Variants in PTPRA observed in about 807,000 individuals in gnomAD.
PTPRA encodes the protein receptor-type tyrosine-protein phosphatase alpha.
PTPRA carries 25 observed loss-of-function variants against 104.8 expected under a neutral mutation model. That is an observed-to-expected ratio of 0.24 (90% CI 0.17 to 0.33). PTPRA has a LOEUF of 0.33. Ranked by LOEUF, PTPRA falls within the 10% of genes least tolerant of loss-of-function variation. PTPRA has a pLI of 1.00. For synonymous variants in PTPRA, 323 were observed against 368.9 expected (o/e 0.88, Z 1.43); for missense variants, 765 against 1,015.3 (o/e 0.75, Z 3.35).
At chr20:2,871,991 C>G (rs1187105641), upstream of PTPRA, among the ~76,000 whole-genome samples, 1 of 152,268 alleles carries the variant, frequency 6.6e-6, no homozygotes, top group Non-Finnish European at 1.5e-5. Context: ...CCCATATTCC[C>G]AGGCCCTGGC....
At chr20:3,027,585 G>A in intron 19 of PTPRA, 122 bp from the exon 20 acceptor site, 2 of 1,327,842 alleles carry the variant, frequency 1.5e-6, no homozygotes, top group South Asian at 2.9e-5. Context: ...GGCCACAGGG[G>A]AGCTCTGCAT....
At chr20:2,875,564 A>G (rs866601203) in intron 1 of PTPRA, among the ~76,000 whole-genome samples, 5 of 152,218 alleles carry the variant, frequency 3.3e-5, no homozygotes, top group Admixed American at 1.3e-4. Context: ...ACCTTTGAGG[A>G]ACTCAGAGTC....
chr20:3,008,752 AAAAAAAAC>A (rs2064002440), intron 11 of PTPRA, among the ~76,000 whole-genome samples: 3 of 134,500 alleles, frequency 2.2e-5, no homozygotes, highest in African/African-American at 1.1e-4. Context: ...AAACAAAAAA[AAAAAAAAC>A]AACTTAGCCG....
intron 20 of PTPRA, among the ~76,000 whole-genome samples, chr20:3,034,244 C>T (rs1600292420): frequency 6.6e-6 from 1 of 151,990 alleles, no homozygotes; most frequent in Non-Finnish European, 1.5e-5. Context: ...GCACTCCAGC[C>T]TGGGCGACAG....
intron 1 of PTPRA, among the ~76,000 whole-genome samples, chr20:2,921,458 TCTTA>T (rs1305481842): frequency 6.6e-6 from 1 of 151,688 alleles, no homozygotes; most frequent in Non-Finnish European, 1.5e-5. Context: ...TAGTATAAAG[TCTTA>T]CTTTAATATT....
chr20:3,010,036 G>C (rs2064082271), intron 11 of PTPRA, among the ~76,000 whole-genome samples: 1 of 151,896 alleles, frequency 6.6e-6, no homozygotes, highest in African/African-American at 2.4e-5. Flanking sequence ...TTTTAGTAGA[G>C]ACGGTGTTTT....
chr20:2,972,827 C>T (rs1273996434), intron 5 of PTPRA, among the ~76,000 whole-genome samples: 2 of 151,960 alleles, frequency 1.3e-5, no homozygotes, highest in African/African-American at 4.8e-5. Flanking sequence ...AGGTGATCCT[C>T]TCACCTCAGC....
At position 2,988,036 on chromosome 20, in the gene PTPRA, A is replaced by G. The variant is rs760562796; in HGVS notation, c.532A>G (p.Lys178Glu). ...CTGTGATCATTTTCTCATTAGGTTTAAGAAATACAAGCAAGCTGGGAGCCA... is the reference window on the plus strand; with the variant it reads ...CTGTGATCATTTTCTCATTAGGTTTGAGAAATACAAGCAAGCTGGGAGCCA... ...IIIVLYMLRFKKYKQAGSHSN... is the reference protein window; with the variant it reads ...IIIVLYMLRFEKYKQAGSHSN... The change falls in exon 8 of 24, where the codon AAG becomes GAG. Residue 178 changes from lysine to glutamate, a missense_variant. Lys to Glu is a moderately conservative substitution (Grantham distance 56, BLOSUM62 1). This residue lies in a region of PTPRA where 256 missense variants were observed against 248.9 expected (regional missense o/e 1.03). Transcript: ENST00000399903. 1.3e-6 allele frequency: 2 copies of G among 1,571,288 alleles called. No individual in the cohort carries two copies. The highest frequency in any genetic ancestry group is 1.8e-6 in the Non-Finnish European group (2 of 1,141,044).
intron 10 of PTPRA, among the ~76,000 whole-genome samples, chr20:3,005,625 G>T (rs2063829335): frequency 2.6e-5 from 4 of 152,192 alleles, no homozygotes; most frequent in Middle Eastern, 6.8e-3. Context: ...TGAAGACTTT[G>T]GGCTGAAAGA....
At chr20:2,952,741 C>G (rs963201509) in intron 3 of PTPRA, among the ~76,000 whole-genome samples, 9 of 152,190 alleles carry the variant, frequency 5.9e-5, no homozygotes, top group African/African-American at 2.2e-4. Flanking sequence ...ACTCCAGCCC[C>G]TGGCAACCAT....
chr20:2,898,460 C>T (rs994361417), intron 1 of PTPRA, among the ~76,000 whole-genome samples: 4 of 151,784 alleles, frequency 2.6e-5, no homozygotes, highest in Admixed American at 6.6e-5. Context: ...GTGATCCGCC[C>T]GCCTTGGCTT....
At chr20:2,890,789 G>A (rs914440337) in intron 1 of PTPRA, among the ~76,000 whole-genome samples, 2 of 152,060 alleles carry the variant, frequency 1.3e-5, no homozygotes, top group African/African-American at 2.4e-5. Context: ...CAGTTCCCTA[G>A]GCCCCTCTTC....
intron 20 of PTPRA, among the ~76,000 whole-genome samples, chr20:3,032,442 T>A (rs1276880097): frequency 2.0e-5 from 3 of 152,210 alleles, no homozygotes; most frequent in Non-Finnish European, 2.9e-5. Context: ...ATCCTATTTC[T>A]CTGCACCCCT....
At chr20:3,028,034 GC>G (rs2065231563) in intron 20 of PTPRA, among the ~76,000 whole-genome samples, 193 bp downstream of exon 20, 2 of 152,306 alleles carry the variant, frequency 1.3e-5, no homozygotes, top group South Asian at 4.1e-4. Context: ...GGATTGCCCA[GC>G]CCGTTGGTGT....
At chr20:3,019,402 C>A (rs1469536736) in intron 13 of PTPRA, among the ~76,000 whole-genome samples, 28 of 147,258 alleles carry the variant, frequency 1.9e-4, no homozygotes, top group African/African-American at 5.6e-4. Flanking sequence ...TCAGACGGGG[C>A]GGTTGCCAGG....
At chr20:3,004,981 G>A in intron 9 of PTPRA, 75 bp from the exon 10 acceptor site, 1 of 1,322,262 alleles carries the variant, frequency 7.6e-7, no homozygotes, top group Non-Finnish European at 1.1e-6. Context: ...TACCAGGTCA[G>A]GGTTTGGTGC....
intron 1 of PTPRA, among the ~76,000 whole-genome samples, chr20:2,913,404 G>A (rs1259578292): frequency 1.3e-5 from 2 of 152,036 alleles, no homozygotes; most frequent in Non-Finnish European, 2.9e-5. Context: ...TAAATCTGGA[G>A]TTTAATACCA....
chr20:2,961,583 C>T (rs1203040854), intron 3 of PTPRA, among the ~76,000 whole-genome samples: 5 of 152,152 alleles, frequency 3.3e-5, no homozygotes, highest in Non-Finnish European at 4.4e-5. Context: ...ATTCTCTTGG[C>T]ATTGTCTTTC....
At position 2,883,651 on chromosome 20, in the gene PTPRA, CAAAAAA is replaced by C. The variant is rs71195803; in HGVS notation, c.-129+9913_-129+9918del. ...TGGGCGACAGAGCGAGACTCCGTCTCAAAAAAAAAAAAAAAAAAAAAAAAAAAGAAA... is the reference window on the plus strand; with the variant it reads ...TGGGCGACAGAGCGAGACTCCGTCTCAAAAAAAAAAAAAAAAAAAAAGAAA... On this transcript the variant is annotated intron_variant, in intron 1 of 23. Transcript: ENST00000399903. 6.2e-4 allele frequency among the ~76,000 whole-genome samples: 2 copies of C among 3,248 alleles called. 1 individual carries two copies. Among genetic ancestry groups the C allele is most frequent in the Non-Finnish European group, 9.0e-4 (2 of 2,216 alleles). 2.1% of individuals were successfully genotyped at this position (3,248 alleles called of 152,430 possible).
Sources: allele counts gnomAD v4.1 joint callset (sites outside exome capture counted in the v4.1 genomes callset), GRCh38; gene constraint gnomAD v4.1.1; regional missense constraint gnomAD v4.1.1; transcripts MANE v1.5; gene names NCBI Gene and HGNC (gene_info 2026-07-23, HGNC 2026-07-21).